The following RAB3C variants were observed in gnomAD, a reference collection of about 807,000 sequenced individuals.
RAB3C encodes the protein ras-related protein Rab-3C.
A neutral mutation model predicts 26.4 loss-of-function variants in RAB3C; 17 were observed. That is an observed-to-expected ratio of 0.64 (90% confidence interval 0.44 to 0.97). The LOEUF (loss-of-function observed/expected upper bound fraction) is 0.97, where lower values mean the gene tolerates loss of function less well. Ranked by LOEUF, RAB3C falls within the 50% of genes least tolerant of loss-of-function variation. The probability of loss-of-function intolerance (pLI) is 0.00; values close to 1 mark genes in which losing one functional copy is unlikely to be tolerated. For missense variants in RAB3C, 242 were observed against 281.9 expected (o/e 0.86, Z 1.01); for synonymous variants, 91 against 95.9 (o/e 0.95, Z 0.30).
Position 58,851,190 on chromosome 5 carries a change from A to G in RAB3C, c.523A>G (p.Lys175Glu). ...GTTTGAGTTTTTTGAAACAAGTGCC[A>G]AGGACAACATTAATGTCAAGCAGAC... The part of the protein sequence containing the change: ...LGFEFFETSA[K>E]DNINVKQTFE... The change falls in exon 5 of 5, where the codon AAG (lysine) becomes GAG (glutamate). Residue 175 changes from lysine (K) to glutamate (E), a missense_variant. Physicochemically the swap from Lys to Glu is moderately conservative, Grantham distance 56. Coordinates refer to ENST00000282878, the MANE Select transcript of RAB3C (RefSeq NM_138453.4). 1.2e-6 allele frequency: 2 copies of G among 1,603,060 alleles called. No individual in the cohort carries two copies. Among genetic ancestry groups the G allele is most frequent in the Non-Finnish European group, 1.7e-6 (2 of 1,176,852 alleles).
intron 3 of RAB3C, among the ~76,000 whole-genome samples, chr5:58,789,080 C>T (rs656809): frequency 2.0e-5 from 3 of 152,094 alleles, no homozygotes; most frequent in Non-Finnish European, 4.4e-5. Flanking sequence ...TCATTAAAAG[C>T]CATGAGAGAA....
In RAB3C at chr5:58,597,715, G is replaced by GTACATTATATATAAGTATATAACATATAA. The variant is rs1561261136; in HGVS notation, c.24+14538_24+14566dup. Among the ~76,000 whole-genome samples the GTACATTATATATAAGTATATAACATATAA allele has an allele frequency of 1.8e-4, 9 of 50,190 alleles. 1 individual carries two copies. The highest frequency in any genetic ancestry group is 4.0e-4 in the African/African-American group (8 of 19,808). 32.9% of individuals were successfully genotyped at this position (50,190 alleles called of 152,430 possible). ...ATATATAAGTATATAATATAATATA[G>GTACATTATATATAAGTATATAACATATAA]TACATTATATATAAGTATATAACAT... On this transcript the variant is annotated intron_variant, in intron 1 of 4. Transcript: ENST00000282878.
intron 2 of RAB3C, among the ~76,000 whole-genome samples, chr5:58,679,617 T>TTTG (rs1460513563): frequency 6.6e-6 from 1 of 152,122 alleles, no homozygotes; most frequent in South Asian, 2.1e-4. Flanking sequence ...CAAAGGCAGT[T>TTTG]TTGTTGTTGT....
chr5:58,771,466 T>C (rs1292778526), intron 3 of RAB3C, among the ~76,000 whole-genome samples: 1 of 152,058 alleles, frequency 6.6e-6, no homozygotes, highest in Non-Finnish European at 1.5e-5. Context: ...AAATGGAAAA[T>C]TCAAGAAGCT....
intron 2 of RAB3C, among the ~76,000 whole-genome samples, chr5:58,678,060 A>G (rs186991567): frequency 1.2e-3 from 185 of 151,458 alleles, no homozygotes; most frequent in African/African-American, 3.7e-3. Flanking sequence ...AAGGAAAATA[A>G]TCCTAGGAAC....
intron 2 of RAB3C, among the ~76,000 whole-genome samples, chr5:58,648,489 G>A (rs888059756): frequency 5.9e-5 from 9 of 152,078 alleles, no homozygotes; most frequent in Admixed American, 3.3e-4. Context: ...TTTCTGTAAC[G>A]TAAAGGGAAA....
At chr5:58,703,482 A>G (rs1217652266) in intron 2 of RAB3C, among the ~76,000 whole-genome samples, 2 of 152,130 alleles carry the variant, frequency 1.3e-5, no homozygotes, top group Non-Finnish European at 2.9e-5. Context: ...GCGTCTGGCC[A>G]TGTTTATTCT....
intron 2 of RAB3C, among the ~76,000 whole-genome samples, chr5:58,630,899 G>A (rs558234087): frequency 1.3e-5 from 2 of 152,290 alleles, no homozygotes; most frequent in South Asian, 2.1e-4. Context: ...AAGAGGCCTT[G>A]TTGTTGTCAA....
chr5:58,584,484 C>A (rs1181648041), intron 1 of RAB3C, among the ~76,000 whole-genome samples: 2 of 152,048 alleles, frequency 1.3e-5, no homozygotes, highest in East Asian at 3.9e-4. Flanking sequence ...TCATTATAGA[C>A]CTGATGTGAA....
intron 2 of RAB3C, among the ~76,000 whole-genome samples, chr5:58,685,895 A>T (rs145223479): frequency 0.012 from 1,811 of 152,314 alleles, 16 homozygotes; most frequent in Non-Finnish European, 0.019. Context: ...CGCATAGTTC[A>T]ATATGGCAGT....
At chr5:58,838,622 C>A (rs1038792901) in intron 4 of RAB3C, among the ~76,000 whole-genome samples, 2 of 145,182 alleles carry the variant, frequency 1.4e-5, no homozygotes, top group East Asian at 3.9e-4. Context: ...TATGGTCAAT[C>A]CTGGAGAATG....
At chr5:58,828,836 A>G (rs1426857571) in intron 4 of RAB3C, among the ~76,000 whole-genome samples, 1 of 98,948 alleles carries the variant, frequency 1.0e-5, no homozygotes, top group Admixed American at 9.5e-5. Flanking sequence ...GAGTGTTTGG[A>G]GAGGGTAGGG....
At chr5:58,601,335 G>C (rs1002438852) in intron 1 of RAB3C, among the ~76,000 whole-genome samples, 1 of 152,040 alleles carries the variant, frequency 6.6e-6, no homozygotes, top group Non-Finnish European at 1.5e-5. Context: ...CCTGATTTTG[G>C]TATTAAGGTG....
At chr5:58,799,656 CA>C (rs1742760118) in intron 3 of RAB3C, among the ~76,000 whole-genome samples, 1 of 152,196 alleles carries the variant, frequency 6.6e-6, no homozygotes, top group Non-Finnish European at 1.5e-5. Context: ...CACACCCCCA[CA>C]CTCTCAGTCT....
intron 2 of RAB3C, among the ~76,000 whole-genome samples, chr5:58,673,437 G>A (rs112255199): frequency 0.01 from 1,474 of 143,270 alleles, 20 homozygotes; most frequent in African/African-American, 0.037. Context: ...TCTTCTCAAC[G>A]AACTAGTTAT....
chr5:58,664,716 T>G (rs1432017728), intron 2 of RAB3C, among the ~76,000 whole-genome samples: 1 of 152,160 alleles, frequency 6.6e-6, no homozygotes, highest in Non-Finnish European at 1.5e-5. Context: ...AAACATTTAA[T>G]TTTGATAAAG....
chr5:58,604,718 C>T lies in RAB3C; in HGVS notation c.25-12925C>T, dbSNP rs147193895. Among the ~76,000 whole-genome samples the T allele has an allele frequency of 6.5e-3, 991 of 152,242 alleles. 8 individuals carry two copies. The highest frequency in any genetic ancestry group is 0.021 in the African/African-American group (877 of 41,526). The stretch of plus-strand genomic sequence containing the variant: ...GGCAAGATGGGCTTGAAAACTTGCC[C>T]GAGGCTGTCTGCCTCCCAGCTGTGA... On this transcript the variant is annotated intron_variant, in intron 1 of 4. Coordinates refer to ENST00000282878, the MANE Select transcript of RAB3C (RefSeq NM_138453.4).
chr5:58,759,835 T>C (rs1005967144), intron 3 of RAB3C, among the ~76,000 whole-genome samples: 1 of 152,212 alleles, frequency 6.6e-6, no homozygotes, highest in African/African-American at 2.4e-5. Context: ...ATCATGGGTA[T>C]TGATTAATTA....
At chr5:58,839,871 A>G (rs1237977749) in intron 4 of RAB3C, among the ~76,000 whole-genome samples, 1 of 151,016 alleles carries the variant, frequency 6.6e-6, no homozygotes, top group African/African-American at 2.4e-5. Context: ...CATCATTTCT[A>G]AAGGATGGCT....
Sources: allele counts gnomAD v4.1 joint callset (sites outside exome capture counted in the v4.1 genomes callset), GRCh38; gene constraint gnomAD v4.1.1; transcripts MANE v1.5; gene names NCBI Gene and HGNC (gene_info 2026-07-23, HGNC 2026-07-21).